Variants in RBFOX1 observed in about 807,000 individuals in gnomAD.
The protein encoded by RBFOX1 is RNA binding protein fox-1 homolog 1.
In RBFOX1, 8 loss-of-function variants were observed where a neutral mutation model predicts 57.7. The observed-to-expected ratio is 0.14, with a 90% CI of 0.08 to 0.25. RBFOX1 has a LOEUF of 0.25. Ranked by LOEUF, RBFOX1 falls within the 10% of genes least tolerant of loss-of-function variation. The pLI is 1.00. For synonymous variants in RBFOX1, 326 were observed against 222.4 expected, an observed-to-expected ratio of 1.47 and a Z score of -4.15; for missense variants, 611 against 548.5, an observed-to-expected ratio of 1.11 and a Z score of -1.14.
intron 3 of RBFOX1, among the ~76,000 whole-genome samples, chr16:5,761,419 T>C (rs1048066226): frequency 6.6e-6 from 1 of 152,218 alleles, no homozygotes; most frequent in Admixed American, 6.5e-5. Context: ...GTTCTCTTTC[T>C]GCTAATAAAG....
intron 2 of RBFOX1, among the ~76,000 whole-genome samples, chr16:6,605,350 G>A (rs1402671555): frequency 6.6e-6 from 1 of 152,034 alleles, no homozygotes; most frequent in Admixed American, 6.6e-5. Context: ...TAGCTGTCTG[G>A]CATTTGTTTC....
At chr16:6,947,676 G>A (rs982264385) in intron 3 of RBFOX1, among the ~76,000 whole-genome samples, 1 of 152,206 alleles carries the variant, frequency 6.6e-6, no homozygotes, top group African/African-American at 2.4e-5. Context: ...CCTTGGGAAA[G>A]CTATATGACT....
chr16:7,328,477 CAAAAAAAAAAAAA>C (rs58553232), intron 4 of RBFOX1, among the ~76,000 whole-genome samples: 2 of 60,748 alleles, frequency 3.3e-5, no homozygotes, highest in Non-Finnish European at 6.1e-5. Context: ...GACTCTGTCT[CAAAAAAAAAAAAA>C]AAAAAAAAAA....
intron 2 of RBFOX1, among the ~76,000 whole-genome samples, chr16:6,346,574 G>C (rs2085408257): frequency 6.6e-6 from 1 of 152,246 alleles, no homozygotes; most frequent in Non-Finnish European, 1.5e-5. Flanking sequence ...CTGACTGCCT[G>C]TGTTGAGGAG....
At chr16:5,376,347 G>A (rs1161962674) in intron 1 of RBFOX1, among the ~76,000 whole-genome samples, 2 of 152,024 alleles carry the variant, frequency 1.3e-5, no homozygotes, top group Non-Finnish European at 2.9e-5. Context: ...GCAGGTGGTT[G>A]TTTGTTGGGA....
intron 3 of RBFOX1, among the ~76,000 whole-genome samples, chr16:5,606,318 T>C (rs2047576881): frequency 6.6e-6 from 1 of 152,056 alleles, no homozygotes; most frequent in Admixed American, 6.5e-5. Flanking sequence ...TCTGCTTGAA[T>C]TCTCCCCTCA....
At chr16:6,632,938 G>C (rs1236143778) in intron 2 of RBFOX1, among the ~76,000 whole-genome samples, 1 of 152,188 alleles carries the variant, frequency 6.6e-6, no homozygotes, top group Non-Finnish European at 1.5e-5. Context: ...AATAGGTTGA[G>C]AGCTTCCTGT....
intron 3 of RBFOX1, among the ~76,000 whole-genome samples, chr16:5,735,446 C>G (rs779256310): frequency 2.0e-5 from 3 of 152,216 alleles, no homozygotes; most frequent in Non-Finnish European, 4.4e-5. Flanking sequence ...TCTGAACTTT[C>G]TTTCTCCAAG....
chr16:6,437,594 A>C (rs1359606227), intron 2 of RBFOX1, among the ~76,000 whole-genome samples: 2 of 152,214 alleles, frequency 1.3e-5, no homozygotes, highest in Non-Finnish European at 2.9e-5. Context: ...ACTGCTATGA[A>C]GAACTACCTG....
chr16:5,886,931 C>CCGA lies in RBFOX1; in HGVS notation c.351+19597_351+19598insGAC, dbSNP rs549861123. Among the ~76,000 whole-genome samples, 335 of 152,226 alleles carry CCGA rather than the reference C, an allele frequency of 2.2e-3. 2 individuals are homozygous for CCGA. In the Middle Eastern group the frequency reaches 0.068, roughly 31 times the overall value. ...TTCAATCATTCATTGTGTCCTATGA[C>CCGA]CAGTCATTCCCTTAGACCAGTTTCT... On this transcript the variant is annotated intron_variant, in intron 4 of 19. Transcript: ENST00000641259.
At chr16:7,452,001 G>T (rs542905496) in intron 4 of RBFOX1, among the ~76,000 whole-genome samples, 1 of 152,134 alleles carries the variant, frequency 6.6e-6, no homozygotes, top group African/African-American at 2.4e-5. Context: ...AGACTAGTAC[G>T]ACCAAAGAGA....
intron 3 of RBFOX1, among the ~76,000 whole-genome samples, chr16:5,854,397 C>G (rs887800737): frequency 6.6e-6 from 1 of 152,180 alleles, no homozygotes; most frequent in African/African-American, 2.4e-5. Context: ...GAGTTAAACT[C>G]TTTTAGATCT....
At chr16:7,236,571 A>G (rs944301916) in intron 4 of RBFOX1, among the ~76,000 whole-genome samples, 1 of 152,140 alleles carries the variant, frequency 6.6e-6, no homozygotes, top group Non-Finnish European at 1.5e-5. Flanking sequence ...AGATGAACTG[A>G]TATCTCTAAG....
At chr16:7,177,155 G>A (rs1165760124) in intron 4 of RBFOX1, among the ~76,000 whole-genome samples, 1 of 152,178 alleles carries the variant, frequency 6.6e-6, no homozygotes, top group Non-Finnish European at 1.5e-5. Flanking sequence ...TGACTGGCAT[G>A]CATTTTTGTC....
At chr16:5,909,471 C>G (rs12920446) in intron 4 of RBFOX1, among the ~76,000 whole-genome samples, 46,201 of 152,010 alleles carry the variant, frequency 0.3, 7,333 homozygotes, top group South Asian at 0.47. Flanking sequence ...TGGTCTGCTT[C>G]AGGAAGGGCC....
intron 2 of RBFOX1, among the ~76,000 whole-genome samples, chr16:6,423,317 G>C (rs996266143): frequency 1.3e-5 from 2 of 152,172 alleles, no homozygotes; most frequent in African/African-American, 4.8e-5. Flanking sequence ...ACGTCTTCCT[G>C]ACCAGGCGTG....
intron 3 of RBFOX1, among the ~76,000 whole-genome samples, chr16:5,722,293 A>G (rs1394644126): frequency 1.3e-5 from 2 of 152,224 alleles, no homozygotes; most frequent in Admixed American, 1.3e-4. Flanking sequence ...ATCTCTTACA[A>G]ACCCTTGTGA....
chr16:6,655,087 C>A (rs2098637751), intron 3 of RBFOX1, among the ~76,000 whole-genome samples: 1 of 151,624 alleles, frequency 6.6e-6, no homozygotes. Context: ...TGAAAAAGAG[C>A]TCACGGCCAG....
At chr16:7,208,544 A>G (rs945583921) in intron 4 of RBFOX1, among the ~76,000 whole-genome samples, 1 of 152,090 alleles carries the variant, frequency 6.6e-6, no homozygotes, top group African/African-American at 2.4e-5. Flanking sequence ...CTTTTTCACA[A>G]CCTGTTCTCT....
Sources: allele counts gnomAD v4.1 joint callset (sites outside exome capture counted in the v4.1 genomes callset), GRCh38; gene constraint gnomAD v4.1.1; transcripts MANE v1.5; gene names NCBI Gene and HGNC (gene_info 2026-07-23, HGNC 2026-07-21).